The following ITGA4 variants were observed in gnomAD, a reference collection of about 807,000 sequenced individuals.
ITGA4 encodes the protein integrin subunit alpha 4.
ITGA4 carries 63 observed loss-of-function variants against 133.6 expected under a neutral mutation model. The ratio of observed to expected loss-of-function variants is 0.47; its 90% confidence interval spans 0.38 to 0.58. The LOEUF (loss-of-function observed/expected upper bound fraction) is 0.58. ITGA4 is among the 20% of genes least tolerant of loss of function. The pLI, the probability that ITGA4 is intolerant of heterozygous loss-of-function variation, is 0.00. For synonymous variants in ITGA4, 483 were observed against 438.0 expected (o/e 1.10, Z -1.28); for missense variants, 1,076 against 1,252.7 (o/e 0.86, Z 2.13).
intron 9 of ITGA4, 32 bp from the exon 10 acceptor site, chr2:181,485,849 T>C (rs757091991): frequency 2.1e-5 from 33 of 1,545,314 alleles, no homozygotes; most frequent in Middle Eastern, 3.4e-4. Context: ...GGGAGTGTTA[T>C]AATGACACGT....
intron 2 of ITGA4, among the ~76,000 whole-genome samples, chr2:181,473,776 G>A (rs553187688): frequency 3.3e-5 from 5 of 152,092 alleles, no homozygotes; most frequent in Admixed American, 6.5e-5. Flanking sequence ...AGACCAGTAT[G>A]GGTAACATAG....
chr2:181,483,591 A>G (rs1685852015), intron 9 of ITGA4, among the ~76,000 whole-genome samples: 1 of 152,232 alleles, frequency 6.6e-6, no homozygotes, highest in Non-Finnish European at 1.5e-5. Context: ...ATCTAGTCTC[A>G]TAAATGGAAG....
At chr2:181,480,934 A>C (rs560997963) in intron 6 of ITGA4, among the ~76,000 whole-genome samples, 5 of 152,312 alleles carry the variant, frequency 3.3e-5, no homozygotes, top group African/African-American at 9.6e-5. Flanking sequence ...CAAGAAAATA[A>C]ATGCTTTTCC....
chr2:181,506,782 T>A (rs1328763611), intron 15 of ITGA4, among the ~76,000 whole-genome samples: 1 of 152,132 alleles, frequency 6.6e-6, no homozygotes, highest in Non-Finnish European at 1.5e-5. Flanking sequence ...TTGAAAATAA[T>A]CTATTCCTTA....
At chr2:181,460,729 T>A (rs1432704033) in intron 2 of ITGA4, among the ~76,000 whole-genome samples, 3 of 152,136 alleles carry the variant, frequency 2.0e-5, no homozygotes, top group African/African-American at 7.2e-5. Flanking sequence ...CTTTATTGTT[T>A]ACTTAAATCT....
chr2:181,533,432 A>G (rs900406496), intron 25 of ITGA4, among the ~76,000 whole-genome samples: 1 of 152,218 alleles, frequency 6.6e-6, no homozygotes, highest in African/African-American at 2.4e-5. Flanking sequence ...CTCTAGGTCT[A>G]GGTTTTCCAT....
At position 181,500,410 on chromosome 2, in the gene ITGA4, A is replaced by G. The variant is rs144577452; in HGVS notation, c.1695+1633A>G. Among the ~76,000 whole-genome samples, 9 of 152,270 alleles carry G rather than the reference A, an allele frequency of 5.9e-5. 1 individual carries two copies. In the East Asian group the frequency reaches 1.4e-3, roughly 23 times the overall value. Reference sequence around the variant, plus strand: ...GTACTTTCCCACCTCCACCAGGGTAATAGCCCAAGGCATTAGGAAACATTA... The same window carrying G: ...GTACTTTCCCACCTCCACCAGGGTAGTAGCCCAAGGCATTAGGAAACATTA... On this transcript the variant is annotated intron_variant, in intron 15 of 27. Transcript: ENST00000397033.
chr2:181,533,167 C>T (rs1158378904), intron 25 of ITGA4, among the ~76,000 whole-genome samples: 1 of 152,050 alleles, frequency 6.6e-6, no homozygotes, highest in African/African-American at 2.4e-5. Flanking sequence ...TTCTGTTTTT[C>T]AGCTTTCTCA....
At position 181,510,542 on chromosome 2, in the gene ITGA4, A is replaced by G. The variant is rs547137344; in HGVS notation, c.1845+735A>G. On this transcript the variant is annotated intron_variant, in intron 16 of 27. Transcript: ENST00000397033. ...GCCTTCATTAAAATGTTCACTAATG[A>G]CACACAGAATGTAAAAGATGAAAGG... 4.6e-5 allele frequency among the ~76,000 whole-genome samples: 7 copies of G among 152,218 alleles called. No homozygotes were observed. The East Asian group carries it at 1.4e-3, about 29-fold the overall frequency.
rs1188830034 is a variant in ITGA4 at position 181,530,612 on chromosome 2, T to C, written c.2627T>C (p.Ile876Thr). Residue 876 changes from isoleucine (I) to threonine (T), a missense_variant, in exon 24 of 28, where the codon ATA becomes ACA. Physicochemically the swap from Ile to Thr is moderately conservative, Grantham distance 89. This residue lies in a region of ITGA4 where 365 missense variants were observed against 421.4 expected (regional missense o/e 0.87). Transcript: ENST00000397033. ...QKSAMQTLKG[I>T]VRFLSKTDKR... ...AGTGCAATGCAGACCTTGAAAGGCA[T>C]AGTCCGGTTCTTGTCCAAGACTGAT... 3 of 1,613,422 alleles carry C rather than the reference T, an allele frequency of 1.9e-6. No individual in the cohort carries two copies. Among genetic ancestry groups the C allele is most frequent in the Non-Finnish European group, 2.5e-6 (3 of 1,179,440 alleles).
intron 2 of ITGA4, among the ~76,000 whole-genome samples, chr2:181,462,578 T>C (rs967171077): frequency 6.6e-6 from 1 of 152,200 alleles, no homozygotes; most frequent in African/African-American, 2.4e-5. Context: ...AGATTGCAGA[T>C]TGGTCATTTT....
chr2:181,466,084 G>A (rs1685405094), intron 2 of ITGA4, among the ~76,000 whole-genome samples: 2 of 152,002 alleles, frequency 1.3e-5, no homozygotes, highest in African/African-American at 2.4e-5. Flanking sequence ...TTATTAAAAA[G>A]ACTTGCGTAC....
intron 26 of ITGA4, 46 bp from the exon 27 acceptor site, chr2:181,534,770 A>ATTTTT: frequency 1.5e-6 from 2 of 1,299,462 alleles, no homozygotes; most frequent in East Asian, 2.7e-5. Flanking sequence ...TTTTAAACTG[A>ATTTTT]TTTTTTTTTT....
intron 17 of ITGA4, among the ~76,000 whole-genome samples, chr2:181,517,449 G>T (rs946848845): frequency 1.3e-5 from 2 of 152,008 alleles, no homozygotes; most frequent in African/African-American, 4.8e-5. Flanking sequence ...ATTAAGTTAT[G>T]ATTCTGTATG....
chr2:181,500,129 C>G (rs1440798104), intron 15 of ITGA4, among the ~76,000 whole-genome samples: 1 of 152,180 alleles, frequency 6.6e-6, no homozygotes, highest in Non-Finnish European at 1.5e-5. Flanking sequence ...ATAGCACTTA[C>G]TGCTGGGATT....
In ITGA4 at chr2:181,512,196, T is replaced by A. The variant is rs376380500; in HGVS notation, c.1922+421T>A. Among the ~76,000 whole-genome samples the A allele has an allele frequency of 2.6e-4, 40 of 152,170 alleles. No homozygotes were observed. The South Asian group carries it at 7.7e-3, about 29-fold the overall frequency. ...CAAATCATTTTGCATATCAAAAAGATGATGTGAAAACAAGGACCAGAGAGA... is the reference window on the plus strand; with the variant it reads ...CAAATCATTTTGCATATCAAAAAGAAGATGTGAAAACAAGGACCAGAGAGA... On this transcript the variant is annotated intron_variant, in intron 17 of 27. Coordinates refer to ENST00000397033, the MANE Select transcript of ITGA4 (RefSeq NM_000885.6).
Position 181,485,993 on chromosome 2 carries a change from G to A in ITGA4, c.1153+1G>A. ...GACATTGACAATGATGGCTTTGAAG[G>A]TAATTAAAATTATCAAATTGGTACT... On this transcript the variant is annotated splice_donor_variant, in intron 10 of 27. Coordinates refer to ENST00000397033, the MANE Select transcript of ITGA4 (RefSeq NM_000885.6). LOFTEE classifies it high-confidence loss of function. 1 of 1,575,848 alleles carries A rather than the reference G, an allele frequency of 6.3e-7. No homozygotes were observed. The highest frequency in any genetic ancestry group is 8.6e-7 in the Non-Finnish European group (1 of 1,167,694).
At chr2:181,473,060 A>C (rs977234273) in intron 2 of ITGA4, among the ~76,000 whole-genome samples, 2 of 152,148 alleles carry the variant, frequency 1.3e-5, no homozygotes, top group Non-Finnish European at 2.9e-5. Context: ...CATTTATTCT[A>C]TGTGTATGCT....
In ITGA4 at chr2:181,511,756, G is replaced by A. The variant is rs1686510107; in HGVS notation, c.1903G>A (p.Ala635Thr). Residue 635 changes from alanine to threonine, a missense_variant, in exon 17 of 28, where the codon GCA becomes ACA. By Grantham distance (58) the Ala-to-Thr change is moderately conservative. Coordinates refer to ENST00000397033, the MANE Select transcript of ITGA4 (RefSeq NM_000885.6). ...TTGTTCTGCTGATTTACAGGTTTCT[G>A]CAAAGATTGGGTTTTTGAAGTAAGT... ...ENCSADLQVS[A>T]KIGFLKPHEN... is the part of the protein sequence containing the mutation. 1 of 1,583,700 alleles carries A rather than the reference G, an allele frequency of 6.3e-7. No individual in the cohort carries two copies. Among genetic ancestry groups the A allele is most frequent in the Non-Finnish European group, 8.7e-7 (1 of 1,152,950 alleles).
Sources: gnomAD v4.1 joint callset for allele counts (sites outside exome capture counted in the v4.1 genomes callset) on GRCh38, gnomAD v4.1.1 for gene constraint, gnomAD v4.1.1 regional missense constraint, MANE v1.5 for transcripts, NCBI Gene and HGNC (gene_info 2026-07-23, HGNC 2026-07-21) for gene names.